FER: variants seen among roughly 807,000 people sequenced by gnomAD.
FER encodes FER tyrosine kinase.
A neutral mutation model predicts 111.0 loss-of-function variants in FER; 63 were observed. The observed-to-expected ratio is 0.57, with a 90% CI of 0.46 to 0.70. FER has a LOEUF of 0.70. Among genes scored for constraint, FER ranks in the 30% least tolerant of loss-of-function variants. The pLI, the probability that FER is intolerant of heterozygous loss-of-function variation, is 0.00. For missense variants in FER, 914 were observed against 954.0 expected, an observed-to-expected ratio of 0.96 and a Z score of 0.55; for synonymous variants, 327 against 313.9, an observed-to-expected ratio of 1.04 and a Z score of -0.44.
In FER at chr5:108,798,440, T is replaced by G. The variant is rs960745212; in HGVS notation, c.207+51T>G. 10 of 1,367,722 alleles carry G rather than the reference T, an allele frequency of 7.3e-6. No individual in the cohort carries two copies. In the African/African-American group the frequency reaches 1.4e-4, roughly 20 times the overall value. 84.7% of individuals were successfully genotyped at this position (1,367,722 alleles called of 1,614,324 possible). On this transcript the variant is annotated intron_variant, in intron 3 of 19. Coordinates refer to ENST00000281092, the MANE Select transcript of FER (RefSeq NM_005246.4). ...TTATTTATAACATTATAATTGTCCTTAAAATGCAATAGCTCAAACTATTGA... is the reference window on the plus strand; with the variant it reads ...TTATTTATAACATTATAATTGTCCTGAAAATGCAATAGCTCAAACTATTGA...
intron 3 of FER, among the ~76,000 whole-genome samples, chr5:108,813,677 T>C (rs960690759): frequency 2.6e-5 from 4 of 152,180 alleles, no homozygotes; most frequent in Non-Finnish European, 5.9e-5. Context: ...CACTGTATTT[T>C]TCAGCTCAGA....
At chr5:109,087,730 G>A (rs1342284339) in intron 16 of FER, among the ~76,000 whole-genome samples, 1 of 150,730 alleles carries the variant, frequency 6.6e-6, no homozygotes, top group East Asian at 1.9e-4. Context: ...TGCTTATTTT[G>A]CCTCAATGTA....
At chr5:108,974,487 C>T (rs1308448158) in intron 13 of FER, among the ~76,000 whole-genome samples, 2 of 152,132 alleles carry the variant, frequency 1.3e-5, no homozygotes, top group Non-Finnish European at 2.9e-5. Context: ...GTGGAGACTA[C>T]ATTAGTCATC....
At chr5:109,102,627 C>T (rs899284083) in intron 17 of FER, among the ~76,000 whole-genome samples, 2 of 152,114 alleles carry the variant, frequency 1.3e-5, no homozygotes, top group Non-Finnish European at 1.5e-5. Context: ...TTACTAGCAA[C>T]AATATAATGT....
chr5:109,003,800 A>T, intron 13 of FER, among the ~76,000 whole-genome samples: 1 of 151,960 alleles, frequency 6.6e-6, no homozygotes, highest in Non-Finnish European at 1.5e-5. Flanking sequence ...GGCATCATAG[A>T]GAGACCCCAT....
intron 5 of FER, among the ~76,000 whole-genome samples, chr5:108,846,865 G>T (rs1188997866): frequency 6.6e-6 from 1 of 152,132 alleles, no homozygotes; most frequent in Non-Finnish European, 1.5e-5. Context: ...TTTATAGAAT[G>T]TGTAGTGACA....
In FER at chr5:109,067,116, C is replaced by T. The variant is rs1434218642; in HGVS notation, c.1924+19918C>T. 3.3e-5 allele frequency among the ~76,000 whole-genome samples: 5 copies of T among 152,092 alleles called. No homozygotes were observed. In the East Asian group the frequency reaches 9.6e-4, roughly 29 times the overall value. ...GGTAGAGTGACTGCGGCTCAGTGAG[C>T]CTTAGAGAGACTGACATAAGATTGG... On this transcript the variant is annotated intron_variant, in intron 16 of 19. Transcript: ENST00000281092.
intron 13 of FER, among the ~76,000 whole-genome samples, chr5:108,991,875 T>TA (rs374569798): frequency 2.8e-4 from 40 of 144,998 alleles, no homozygotes; most frequent in Non-Finnish European, 6.1e-5. Flanking sequence ...TTTTTTTTTT[T>TA]AAATTAATTA....
At chr5:108,935,395 AC>A (rs1185772767) in intron 10 of FER, among the ~76,000 whole-genome samples, 1 of 152,068 alleles carries the variant, frequency 6.6e-6, no homozygotes, top group African/African-American at 2.4e-5. Flanking sequence ...TAAGTCTCTT[AC>A]GAGGAAACTT....
chr5:109,004,319 A>G (rs1301583819), intron 13 of FER, among the ~76,000 whole-genome samples: 1 of 152,188 alleles, frequency 6.6e-6, no homozygotes. Context: ...TAATCACAGA[A>G]TAGTTTATTG....
At chr5:109,064,810 A>G (rs1251960313) in intron 16 of FER, among the ~76,000 whole-genome samples, 1 of 152,192 alleles carries the variant, frequency 6.6e-6, no homozygotes, top group East Asian at 1.9e-4. Flanking sequence ...TGTAGGAGTT[A>G]TGAATACATA....
chr5:108,912,819 T>C (rs182909083), intron 10 of FER, among the ~76,000 whole-genome samples: 176 of 152,322 alleles, frequency 1.2e-3, no homozygotes, highest in African/African-American at 3.8e-3. Flanking sequence ...AATTCAGTTA[T>C]GAACAAGTGT....
chr5:108,796,960 C>A (rs1311958795), intron 2 of FER, among the ~76,000 whole-genome samples: 2 of 151,404 alleles, frequency 1.3e-5, no homozygotes, highest in African/African-American at 2.4e-5. Flanking sequence ...CCATAGCCAC[C>A]ACAACTGGGA....
chr5:108,775,406 G>T (rs1254469180), intron 2 of FER, among the ~76,000 whole-genome samples: 1 of 152,074 alleles, frequency 6.6e-6, no homozygotes, highest in Non-Finnish European at 1.5e-5. Flanking sequence ...ACGATTATCT[G>T]TCACATGATT....
At chr5:109,169,211 T>A (rs993921693) in intron 17 of FER, among the ~76,000 whole-genome samples, 2 of 152,184 alleles carry the variant, frequency 1.3e-5, no homozygotes, top group Admixed American at 1.3e-4. Flanking sequence ...GAAAAGTAGC[T>A]ATGCATATGA....
chr5:108,774,979 C>T (rs1480179891), intron 2 of FER, among the ~76,000 whole-genome samples: 1 of 152,056 alleles, frequency 6.6e-6, no homozygotes, highest in East Asian at 1.9e-4. Context: ...TGCCTATGTC[C>T]TGAATGATTT....
At chr5:109,004,197 A>G (rs1279627914) in intron 13 of FER, among the ~76,000 whole-genome samples, 1 of 152,180 alleles carries the variant, frequency 6.6e-6, no homozygotes, top group Non-Finnish European at 1.5e-5. Context: ...CACTAGATAC[A>G]TTGGCTACTT....
chr5:109,037,619 T>C (rs1581748219), intron 14 of FER, 141 bp downstream of exon 14: 1 of 578,240 alleles, frequency 1.7e-6, no homozygotes, highest in Non-Finnish European at 3.0e-6. Flanking sequence ...CTATATCTTC[T>C]CAATATTGTG....
chr5:109,082,809 T>A (rs576235972), intron 16 of FER, among the ~76,000 whole-genome samples: 1 of 152,122 alleles, frequency 6.6e-6, no homozygotes, highest in South Asian at 2.1e-4. Context: ...TCATCCATCC[T>A]AGGAAATTTT....
Sources: allele counts gnomAD v4.1 joint callset (sites outside exome capture counted in the v4.1 genomes callset), GRCh38; gene constraint gnomAD v4.1.1; transcripts MANE v1.5; gene names NCBI Gene and HGNC (gene_info 2026-07-23, HGNC 2026-07-21).